Variants in NAV2 observed in about 807,000 individuals in gnomAD.
NAV2 encodes helicase, APC down-regulated 1.
A neutral mutation model predicts 223.2 loss-of-function variants in NAV2; 54 were observed. The ratio of observed to expected loss-of-function variants is 0.24; its 90% CI spans 0.19 to 0.30. The LOEUF (loss-of-function observed/expected upper bound fraction) is 0.30, where lower values mean the gene tolerates loss of function less well. Ranked by LOEUF, NAV2 falls within the 10% of genes least tolerant of loss-of-function variation. NAV2 has a pLI of 1.00. For missense variants in NAV2, 2,806 were observed against 3,147.5 expected (o/e 0.89, Z 2.60); for synonymous variants, 1,279 against 1,239.3 (o/e 1.03, Z -0.67).
intron 10 of NAV2, among the ~76,000 whole-genome samples, chr11:19,971,165 G>A (rs2049203734): frequency 6.6e-6 from 1 of 152,198 alleles, no homozygotes; most frequent in Admixed American, 6.5e-5. Flanking sequence ...GTCATGTCTG[G>A]CCCCACAGGC....
Position 20,078,089 on chromosome 11 carries a change from G to A in NAV2, c.5164G>A (p.Glu1722Lys). 6 of 1,612,722 alleles carry A rather than the reference G, an allele frequency of 3.7e-6. No individual in the cohort carries two copies. The highest frequency in any genetic ancestry group is 5.1e-6 in the Non-Finnish European group (6 of 1,179,096). The change falls in exon 24 of 38, where the codon GAG (glutamate) becomes AAG (lysine). Residue 1722 changes from glutamate to lysine, a missense_variant. Physicochemically the swap from Glu to Lys is moderately conservative, Grantham distance 56 (BLOSUM62 1). Transcript: ENST00000349880. Reference protein sequence around the residue: ...AAINGVINTPELNCKGNGTAQ... With the variant: ...AAINGVINTPKLNCKGNGTAQ... ...CATTAATGGAGTAATTAACACACCTGAGCTCAACTGCAAAGGTAAAGTAAG... is the reference window on the plus strand; with the variant it reads ...CATTAATGGAGTAATTAACACACCTAAGCTCAACTGCAAAGGTAAAGTAAG...
intron 11 of NAV2, among the ~76,000 whole-genome samples, chr11:20,023,926 T>C (rs1353564897): frequency 1.3e-5 from 2 of 152,104 alleles, no homozygotes; most frequent in Non-Finnish European, 2.9e-5. Flanking sequence ...TCAATTTCAT[T>C]GCAAAGCCAG....
At chr11:19,684,878 G>C (rs2048979159) in intron 1 of NAV2, among the ~76,000 whole-genome samples, 1 of 152,202 alleles carries the variant, frequency 6.6e-6, no homozygotes, top group African/African-American at 2.4e-5. Flanking sequence ...ATTGCCCAAA[G>C]TTGGGTCATT....
chr11:19,479,745 G>A (rs956244538), intron 1 of NAV2, among the ~76,000 whole-genome samples: 1 of 152,160 alleles, frequency 6.6e-6, no homozygotes, highest in South Asian at 2.1e-4. Context: ...TCTTGCTTCT[G>A]CAAATATGAA....
rs1051331503 is a variant in NAV2, at chr11:19,892,686, G to A, written c.931+92G>A. Reference sequence around the variant, plus strand: ...GGTGAATTGGGTTGGGTCATGGGGAGGGGTTGCATCTGTGTTGAGAATGAG... The same window carrying A: ...GGTGAATTGGGTTGGGTCATGGGGAAGGGTTGCATCTGTGTTGAGAATGAG... On this transcript the variant is annotated intron_variant, in intron 6 of 37. Transcript: ENST00000349880. 1.6e-5 allele frequency: 22 copies of A among 1,390,324 alleles called. No individual in the cohort carries two copies. In the Admixed American group the frequency reaches 4.7e-4, roughly 30 times the overall value. The allele number at this position is 1,390,324 out of a possible 1,614,324, so 86.1% of individuals were successfully genotyped here. A position where few individuals can be genotyped will look rare whatever the true frequency, so the allele number is the denominator to read the frequency against.
At chr11:19,971,683 A>G (rs114791325) in intron 10 of NAV2, among the ~76,000 whole-genome samples, 1,880 of 152,242 alleles carry the variant, frequency 0.012, 41 homozygotes, top group African/African-American at 0.043. Context: ...TTCCATCCTC[A>G]CATATTTTAA....
intron 11 of NAV2, among the ~76,000 whole-genome samples, chr11:20,018,134 A>T (rs2054168683): frequency 6.6e-6 from 1 of 152,162 alleles, no homozygotes; most frequent in Non-Finnish European, 1.5e-5. Flanking sequence ...CAGGCGGATC[A>T]CTTGAGATCA....
intron 1 of NAV2, among the ~76,000 whole-genome samples, chr11:19,622,179 C>T (rs1374876925): frequency 1.3e-5 from 2 of 152,066 alleles, no homozygotes; most frequent in South Asian, 2.1e-4. Flanking sequence ...CTTCCAACTA[C>T]GTGGTCAATT....
chr11:20,078,151 A>T, intron 24 of NAV2, 47 bp downstream of exon 24: 1 of 1,362,302 alleles, frequency 7.3e-7, no homozygotes, highest in South Asian at 1.2e-5. Flanking sequence ...GCCTGCCCTT[A>T]GGAGCCCTCC....
chr11:19,830,720 C>T (rs1013685788), intron 1 of NAV2, among the ~76,000 whole-genome samples: 12 of 152,206 alleles, frequency 7.9e-5, no homozygotes, highest in Non-Finnish European at 1.2e-4. Context: ...GAACCGGGAC[C>T]TGAACCCATG....
chr11:19,991,929 G>T, intron 11 of NAV2, among the ~76,000 whole-genome samples: 1 of 151,522 alleles, frequency 6.6e-6, no homozygotes, highest in East Asian at 1.9e-4. Flanking sequence ...CATTTTCCTT[G>T]CCTTCTCCTT....
intron 1 of NAV2, among the ~76,000 whole-genome samples, chr11:19,578,330 T>A (rs2045625441): frequency 6.6e-6 from 1 of 152,186 alleles, no homozygotes; most frequent in Admixed American, 6.5e-5. Context: ...AATGAGCCAG[T>A]GATTTGCTAG....
At chr11:19,789,425 C>T (rs1017072909) in intron 1 of NAV2, among the ~76,000 whole-genome samples, 1 of 152,182 alleles carries the variant, frequency 6.6e-6, no homozygotes, top group Non-Finnish European at 1.5e-5. Flanking sequence ...CTTCCACTCC[C>T]AGTCTAAGAG....
intron 11 of NAV2, among the ~76,000 whole-genome samples, chr11:20,031,051 T>G (rs907815857): frequency 2.0e-5 from 3 of 152,186 alleles, no homozygotes; most frequent in African/African-American, 7.2e-5. Flanking sequence ...TCATCTCAGG[T>G]GGGCTCAGCG....
chr11:19,887,322 T>G (rs1002873735), intron 5 of NAV2, among the ~76,000 whole-genome samples: 1 of 152,006 alleles, frequency 6.6e-6, no homozygotes, highest in Non-Finnish European at 1.5e-5. Flanking sequence ...ACCACTCTTA[T>G]TGCCTCCCGG....
chr11:19,415,707 C>CA (rs1283319774), intron 1 of NAV2, among the ~76,000 whole-genome samples: 1 of 152,208 alleles, frequency 6.6e-6, no homozygotes, highest in Non-Finnish European at 1.5e-5. Flanking sequence ...AAAATACTGG[C>CA]AAATTGAATC....
rs34241554 is a variant in NAV2 at position 19,931,375 on chromosome 11, T to C, written c.932-1801T>C. Among the ~76,000 whole-genome samples the C allele has an allele frequency of 8.1e-3, 1,236 of 152,228 alleles. 17 individuals are homozygous for C. Among genetic ancestry groups the C allele is most frequent in the African/African-American group, 0.025 (1,026 of 41,546 alleles). On this transcript the variant is annotated intron_variant, in intron 6 of 37. Coordinates refer to ENST00000349880, the MANE Select transcript of NAV2 (RefSeq NM_145117.5). ...AGGAAGATATATGTGTTTTAAAACA[T>C]TGGGAGGTCTGCTTTGGATCACCCT...
At chr11:19,824,215 A>G (rs908377074) in intron 1 of NAV2, among the ~76,000 whole-genome samples, 4 of 152,222 alleles carry the variant, frequency 2.6e-5, no homozygotes, top group African/African-American at 7.2e-5. Flanking sequence ...TCAGAAGGAC[A>G]CTGATGTTCA....
At chr11:19,974,088 T>C (rs975404374) in intron 10 of NAV2, among the ~76,000 whole-genome samples, 2 of 152,126 alleles carry the variant, frequency 1.3e-5, no homozygotes, top group Admixed American at 1.3e-4. Context: ...GGGCCAAGAG[T>C]AGTTACTAAG....
Sources: allele counts gnomAD v4.1 joint callset (sites outside exome capture counted in the v4.1 genomes callset), GRCh38; gene constraint gnomAD v4.1.1; transcripts MANE v1.5; gene names NCBI Gene and HGNC (gene_info 2026-07-23, HGNC 2026-07-21).